FAM178B: variants seen among roughly 807,000 people sequenced by gnomAD.
The protein encoded by FAM178B is family with sequence similarity 178 member B, also known as protein FAM178B.
Under a neutral mutation model 91.7 loss-of-function variants are expected in FAM178B, and 82 were observed. That is an observed-to-expected ratio of 0.89 (90% confidence interval 0.75 to 1.07). FAM178B has a LOEUF of 1.07. Among genes scored for constraint, FAM178B ranks in the 50% least tolerant of loss-of-function variants. The probability of loss-of-function intolerance (pLI) is 0.00; values close to 1 mark genes in which losing one functional copy is unlikely to be tolerated. For synonymous variants in FAM178B, 368 were observed against 359.4 expected, an observed-to-expected ratio of 1.02 and a Z score of -0.27; for missense variants, 769 against 846.7, an observed-to-expected ratio of 0.91 and a Z score of 1.14.
At chr2:96,971,029 G>A (rs1179576949) in intron 3 of FAM178B, among the ~76,000 whole-genome samples, 1 of 151,550 alleles carries the variant, frequency 6.6e-6, no homozygotes, top group African/African-American at 2.4e-5. Context: ...TGTGCTTTCA[G>A]AGACACTTCA....
At chr2:96,937,584 C>T (rs1161773366) in intron 8 of FAM178B, among the ~76,000 whole-genome samples, 1 of 152,170 alleles carries the variant, frequency 6.6e-6, no homozygotes, top group African/African-American at 2.4e-5. Context: ...ATGCTAATGC[C>T]CAGGCTGTGC....
chr2:96,940,193 G>T (rs1262765213), intron 8 of FAM178B, among the ~76,000 whole-genome samples: 4 of 152,148 alleles, frequency 2.6e-5, no homozygotes, highest in African/African-American at 4.8e-5. Context: ...GAGGACAATG[G>T]GACCAGCCCT....
intron 14 of FAM178B, among the ~76,000 whole-genome samples, chr2:96,883,623 G>C (rs369640240): frequency 1.4e-3 from 208 of 152,302 alleles, no homozygotes; most frequent in African/African-American, 4.5e-3. Context: ...GTGTGTGTTG[G>C]GGGGAGAACC....
At chr2:96,942,585 C>T (rs975118346) in intron 8 of FAM178B, among the ~76,000 whole-genome samples, 5 of 152,032 alleles carry the variant, frequency 3.3e-5, no homozygotes, top group East Asian at 1.9e-4. Context: ...TTAGTAGAGA[C>T]GGGGTTTCAC....
chr2:96,893,265 C>T lies in FAM178B; in HGVS notation c.1776+661G>A, dbSNP rs1054765822. ...CAGGAAGCTGAGCCCGGGATGCCCACTCTGCAGCCCTCACACCCACCACAT... is the reference window on the plus strand; with the variant it reads ...CAGGAAGCTGAGCCCGGGATGCCCATTCTGCAGCCCTCACACCCACCACAT... On this transcript the variant is annotated intron_variant, in intron 14 of 16. Coordinates refer to ENST00000490605, the MANE Select transcript of FAM178B (RefSeq NM_001122646.3). Among the ~76,000 whole-genome samples, 3 of 152,156 alleles carry T rather than the reference C, an allele frequency of 2.0e-5. No individual in the cohort carries two copies. The East Asian group carries it at 5.8e-4, about 29-fold the overall frequency.
At chr2:96,933,263 A>T (rs889307527) in intron 8 of FAM178B, among the ~76,000 whole-genome samples, 1 of 152,016 alleles carries the variant, frequency 6.6e-6, no homozygotes, top group African/African-American at 2.4e-5. Flanking sequence ...AAAAAAAAAA[A>T]TTAAAAAAAT....
chr2:96,928,383 A>G (rs574977527), intron 9 of FAM178B, among the ~76,000 whole-genome samples: 32 of 152,254 alleles, frequency 2.1e-4, no homozygotes, highest in Non-Finnish European at 4.0e-4. Flanking sequence ...CCATCCGCCC[A>G]CCAGAGCTAT....
chr2:96,930,243 A>AAAAAT (rs1559080293), intron 8 of FAM178B, among the ~76,000 whole-genome samples: 1 of 137,582 alleles, frequency 7.3e-6, no homozygotes, highest in African/African-American at 2.6e-5. Context: ...AAAAAAAAAA[A>AAAAAT]ATCTGACCAC....
chr2:96,908,980 TA>T (rs1435441829), intron 12 of FAM178B, among the ~76,000 whole-genome samples: 1 of 151,576 alleles, frequency 6.6e-6, no homozygotes, highest in Non-Finnish European at 1.5e-5. Flanking sequence ...CCGTCTCTAC[TA>T]AAAATACAAA....
At chr2:96,901,929 C>T (rs1363946391) in intron 13 of FAM178B, among the ~76,000 whole-genome samples, 2 of 152,180 alleles carry the variant, frequency 1.3e-5, no homozygotes, top group Non-Finnish European at 2.9e-5. Flanking sequence ...TCCCAAGTAG[C>T]TGAGATTACA....
At position 96,876,078 on chromosome 2, in the gene FAM178B, A is replaced by G. The variant is rs1236850511; in HGVS notation, c.*198T>C. 4 of 537,814 alleles carry G rather than the reference A, an allele frequency of 7.4e-6. No homozygotes were observed. The highest frequency in any genetic ancestry group is 3.8e-5 in the Admixed American group (1 of 26,482). 33.3% of individuals were successfully genotyped at this position (537,814 alleles called of 1,614,324 possible). The stretch of plus-strand genomic sequence containing the variant: ...GAGGCCCATCCCTTGCTGAGAGGAG[A>G]GGGGGTCGGGGCGGTGGCAGAGGCA... On this transcript the variant is annotated 3_prime_UTR_variant, in exon 17 of 17. Coordinates refer to ENST00000490605, the MANE Select transcript of FAM178B (RefSeq NM_001122646.3).
intron 14 of FAM178B, among the ~76,000 whole-genome samples, chr2:96,879,813 C>G (rs978243456): frequency 3.9e-5 from 6 of 152,262 alleles, no homozygotes; most frequent in African/African-American, 1.4e-4. Context: ...CCAGCTCCCT[C>G]TGCCTGCCGG....
intron 1 of FAM178B, among the ~76,000 whole-genome samples, chr2:96,979,678 T>A (rs2082336952): frequency 6.6e-6 from 1 of 152,178 alleles, no homozygotes; most frequent in Non-Finnish European, 1.5e-5. Context: ...GAATGGTAGT[T>A]CTGTTTTTAG....
chr2:96,977,299 T>C (rs2082303005), intron 1 of FAM178B, among the ~76,000 whole-genome samples: 1 of 147,696 alleles, frequency 6.8e-6, no homozygotes, highest in Non-Finnish European at 1.5e-5. Flanking sequence ...GTAGGATAAT[T>C]GCTTGAACCC....
intron 12 of FAM178B, among the ~76,000 whole-genome samples, chr2:96,905,818 GTATATATATATATATATATATATA>G (rs1226987241): frequency 1.5e-3 from 51 of 34,192 alleles, no homozygotes; most frequent in Middle Eastern, 0.019. Context: ...ATATATGTGT[GTATATATATATATATATATATATA>G]TATATATATA....
chr2:96,886,884 C>T (rs892400961), intron 14 of FAM178B, among the ~76,000 whole-genome samples: 3 of 152,100 alleles, frequency 2.0e-5, no homozygotes, highest in East Asian at 1.9e-4. Context: ...CGTATGCCAC[C>T]GTGTCGTGTT....
At chr2:96,899,033 T>C (rs1574213225) in intron 13 of FAM178B, among the ~76,000 whole-genome samples, 1 of 151,944 alleles carries the variant, frequency 6.6e-6, no homozygotes, top group Non-Finnish European at 1.5e-5. Flanking sequence ...TTCAGGAAGG[T>C]CTGACAGGCC....
chr2:96,946,000 C>A (rs1178802352), intron 8 of FAM178B, among the ~76,000 whole-genome samples: 1 of 152,170 alleles, frequency 6.6e-6, no homozygotes, highest in African/African-American at 2.4e-5. Flanking sequence ...ACTCCCCACT[C>A]TCTCCTTCCC....
At chr2:96,940,437 G>A (rs923577313) in intron 8 of FAM178B, among the ~76,000 whole-genome samples, 2 of 152,184 alleles carry the variant, frequency 1.3e-5, no homozygotes, top group African/African-American at 2.4e-5. Flanking sequence ...CGGGTGGGGC[G>A]AGGACATCTC....
Sources: gnomAD v4.1 joint callset for allele counts (sites outside exome capture counted in the v4.1 genomes callset) on GRCh38, gnomAD v4.1.1 for gene constraint, MANE v1.5 for transcripts, NCBI Gene and HGNC (gene_info 2026-07-23, HGNC 2026-07-21) for gene names.